Variants in KCNK13 observed in about 807,000 individuals in gnomAD.
The protein encoded by KCNK13 is potassium two pore domain channel subfamily K member 13.
KCNK13 carries 12 observed loss-of-function variants against 23.4 expected under a neutral mutation model. The ratio of observed to expected loss-of-function variants is 0.51; its 90% CI spans 0.33 to 0.83. The LOEUF (loss-of-function observed/expected upper bound fraction) is 0.83. KCNK13 is among the 40% of genes least tolerant of loss of function. The pLI, the probability that KCNK13 is intolerant of heterozygous loss-of-function variation, is 0.02. For synonymous variants in KCNK13, 231 were observed against 229.5 expected (o/e 1.01, Z -0.06); for missense variants, 463 against 556.3 (o/e 0.83, Z 1.69).
chr14:90,098,375 C>G (rs190308396), intron 1 of KCNK13, among the ~76,000 whole-genome samples: 1 of 152,148 alleles, frequency 6.6e-6, no homozygotes, highest in Non-Finnish European at 1.5e-5. Context: ...ATTTATATAA[C>G]AATATTAAGC....
intron 1 of KCNK13, among the ~76,000 whole-genome samples, chr14:90,121,378 G>A (rs1383143654): frequency 6.6e-6 from 1 of 152,186 alleles, no homozygotes; most frequent in East Asian, 1.9e-4. Flanking sequence ...CTTAGGATGT[G>A]TTTTACACCC....
chr14:90,062,318 T>G lies in KCNK13; in HGVS notation c.113T>G (p.Phe38Cys). 1.2e-5 allele frequency: 18 copies of G among 1,555,490 alleles called. No homozygotes were observed. The highest frequency in any genetic ancestry group is 1.5e-5 in the Non-Finnish European group (17 of 1,157,052). The change falls in exon 1 of 2, where the codon TTC becomes TGC. Residue 38 changes from phenylalanine to cysteine, a missense_variant. Phe to Cys is a radical substitution (Grantham distance 205, BLOSUM62 -2). This residue lies in a region of KCNK13 where 153 missense variants were observed against 153.6 expected (regional missense o/e 1.00). Transcript: ENST00000282146. This position sits in a 1 kb window ranked among gnomAD's most constrained non-coding sequence, Gnocchi z 4.5. ...VLYLLGGAAV[F>C]SALELAHERQ... ...TACCTGCTGGGCGGCGCCGCCGTCT[T>G]CTCCGCGCTGGAGCTGGCGCACGAG...
chr14:90,063,610 C>T (rs1242871709), intron 1 of KCNK13, among the ~76,000 whole-genome samples: 2 of 152,210 alleles, frequency 1.3e-5, no homozygotes, highest in East Asian at 3.9e-4. Flanking sequence ...TTGCAAACAG[C>T]CCAGGGTGCA....
intron 1 of KCNK13, among the ~76,000 whole-genome samples, chr14:90,133,294 C>T (rs963309797): frequency 6.6e-6 from 1 of 152,142 alleles, no homozygotes; most frequent in African/African-American, 2.4e-5. Context: ...AGACCATATA[C>T]TGTGTGATCC....
intron 1 of KCNK13, among the ~76,000 whole-genome samples, chr14:90,162,050 C>A (rs1032021440): frequency 6.6e-6 from 1 of 152,030 alleles, no homozygotes; most frequent in South Asian, 2.1e-4. Context: ...CGTGGCAGTG[C>A]GCACCTGTGG....
chr14:90,085,958 A>C (rs1248108424), intron 1 of KCNK13, among the ~76,000 whole-genome samples: 1 of 149,556 alleles, frequency 6.7e-6, no homozygotes, highest in Non-Finnish European at 1.5e-5. Context: ...GGATAATACT[A>C]TAGATCTATA....
intron 1 of KCNK13, among the ~76,000 whole-genome samples, chr14:90,094,651 T>A (rs113102864): frequency 7.1e-6 from 1 of 141,794 alleles, no homozygotes; most frequent in African/African-American, 2.6e-5. Context: ...TTTTCTTTTT[T>A]TTTTTTTTTT....
chr14:90,075,939 C>A (rs919381442), intron 1 of KCNK13, among the ~76,000 whole-genome samples: 2 of 152,192 alleles, frequency 1.3e-5, no homozygotes, highest in African/African-American at 4.8e-5. Context: ...AAATAATGAA[C>A]CTTTGAGAGA....
chr14:90,101,278 G>A (rs1169406559), intron 1 of KCNK13, among the ~76,000 whole-genome samples: 1 of 152,128 alleles, frequency 6.6e-6, no homozygotes, highest in East Asian at 1.9e-4. Context: ...CACCAAATGG[G>A]CAGGAGATTT....
In KCNK13 at chr14:90,183,982, T is replaced by TA. The variant is rs1218698439; in HGVS notation, c.335-128dup. The TA allele has an allele frequency of 4.9e-6, 4 of 819,488 alleles. No individual in the cohort carries two copies. In the Admixed American group the frequency reaches 8.1e-5, roughly 17 times the overall value. 50.8% of individuals were successfully genotyped at this position (819,488 alleles called of 1,614,324 possible). ...AGGTGAGAATTCTCCTGCTCATTCCTAGAAAGACTAAGGCTGAGTGATTTT... is the reference window on the plus strand; with the variant it reads ...AGGTGAGAATTCTCCTGCTCATTCCTAAGAAAGACTAAGGCTGAGTGATTTT... On this transcript the variant is annotated intron_variant, in intron 1 of 1. Coordinates refer to ENST00000282146, the MANE Select transcript of KCNK13 (RefSeq NM_022054.4).
chr14:90,076,486 C>T (rs1038404008), intron 1 of KCNK13, among the ~76,000 whole-genome samples: 1 of 152,182 alleles, frequency 6.6e-6, no homozygotes, highest in Non-Finnish European at 1.5e-5. Context: ...ATTCCAATAA[C>T]TCATTGGCGT....
At position 90,085,811 on chromosome 14, in the gene KCNK13, A is replaced by ATACT. The variant is rs1423011736; in HGVS notation, c.334+23273_334+23274insACTT. Among the ~76,000 whole-genome samples the ATACT allele has an allele frequency of 9.8e-3, 176 of 18,036 alleles. 1 individual carries two copies. Among genetic ancestry groups the ATACT allele is most frequent in the African/African-American group, 0.09 (146 of 1,620 alleles). 11.8% of individuals were successfully genotyped at this position (18,036 alleles called of 152,430 possible). A position where few individuals can be genotyped will look rare whatever the true frequency, so the allele number is the denominator to read the frequency against. On this transcript the variant is annotated intron_variant, in intron 1 of 1. Coordinates refer to ENST00000282146, the MANE Select transcript of KCNK13 (RefSeq NM_022054.4). The stretch of plus-strand genomic sequence containing the variant: ...TTATATACTTTATATTATATATTAT[A>ATACT]TTATATATTATATATTATATATTAT...
chr14:90,128,267 A>C (rs527308695), intron 1 of KCNK13, among the ~76,000 whole-genome samples: 1 of 152,330 alleles, frequency 6.6e-6, no homozygotes, highest in African/African-American at 2.4e-5. Flanking sequence ...CAATTTTCTA[A>C]GCGGCAATTT....
At chr14:90,174,433 C>G (rs963473774) in intron 1 of KCNK13, among the ~76,000 whole-genome samples, 1 of 152,212 alleles carries the variant, frequency 6.6e-6, no homozygotes, top group Admixed American at 6.5e-5. Flanking sequence ...CCAGGTCCCT[C>G]CTTTGACACG....
intron 1 of KCNK13, among the ~76,000 whole-genome samples, chr14:90,128,623 G>A (rs1051449699): frequency 6.6e-6 from 1 of 152,076 alleles, no homozygotes; most frequent in African/African-American, 2.4e-5. Flanking sequence ...TCCTCTGTGC[G>A]TTTCAGCCTC....
chr14:90,081,466 A>G (rs1889208965), intron 1 of KCNK13, among the ~76,000 whole-genome samples: 1 of 152,216 alleles, frequency 6.6e-6, no homozygotes, highest in South Asian at 2.1e-4. Flanking sequence ...CAAACATGTA[A>G]GCCCAAGCAC....
intron 1 of KCNK13, among the ~76,000 whole-genome samples, chr14:90,177,668 A>G (rs1953223): frequency 0.63 from 95,189 of 152,060 alleles, 32,000 homozygotes; most frequent in East Asian, 0.92. Context: ...TGGTGTGTGA[A>G]GGAGTGGTTC....
At chr14:90,109,858 A>AGTG in intron 1 of KCNK13, among the ~76,000 whole-genome samples, 2 of 151,812 alleles carry the variant, frequency 1.3e-5, no homozygotes, top group African/African-American at 4.8e-5. Flanking sequence ...ACAGGCATGC[A>AGTG]CTACCACGAC....
At chr14:90,168,857 T>C (rs552640581) in intron 1 of KCNK13, among the ~76,000 whole-genome samples, 42 of 152,316 alleles carry the variant, frequency 2.8e-4, no homozygotes, top group South Asian at 1.9e-3. Flanking sequence ...GTGGAGATAA[T>C]TGAATCATGG....
Sources: allele counts gnomAD v4.1 joint callset (sites outside exome capture counted in the v4.1 genomes callset), GRCh38; gene constraint gnomAD v4.1.1; regional missense constraint gnomAD v4.1.1; non-coding constraint Gnocchi (gnomAD v3.1); transcripts MANE v1.5; gene names NCBI Gene and HGNC (gene_info 2026-07-23, HGNC 2026-07-21).